Variants in TRIM36 observed in about 807,000 individuals in gnomAD.
The protein encoded by TRIM36 is tripartite motif containing 36, also known as E3 ubiquitin-protein ligase TRIM36.
A neutral mutation model predicts 72.4 loss-of-function variants in TRIM36; 42 were observed. The observed-to-expected ratio is 0.58, with a 90% CI of 0.45 to 0.75. TRIM36 has a LOEUF of 0.75. Ranked by LOEUF, TRIM36 falls within the 30% of genes least tolerant of loss-of-function variation. The pLI is 0.00. For missense variants in TRIM36, 913 were observed against 857.1 expected, an observed-to-expected ratio of 1.07 and a Z score of -0.81; for synonymous variants, 315 against 282.8, an observed-to-expected ratio of 1.11 and a Z score of -1.14.
At chr5:115,165,909 C>G (rs1166833357) in intron 1 of TRIM36, among the ~76,000 whole-genome samples, 2 of 152,182 alleles carry the variant, frequency 1.3e-5, no homozygotes, top group Non-Finnish European at 2.9e-5. Flanking sequence ...AGCCCGGGCA[C>G]TGACATGACC....
chr5:115,141,229 C>A (rs1490358590), intron 5 of TRIM36, 50 bp downstream of exon 5: 1 of 1,277,612 alleles, frequency 7.8e-7, no homozygotes, highest in Non-Finnish European at 1.1e-6. Flanking sequence ...GAATGAATGT[C>A]TAGATAAAAT....
At chr5:115,163,792 G>C (rs1327533000) in intron 1 of TRIM36, 40 bp from the exon 2 acceptor site, 2 of 1,482,484 alleles carry the variant, frequency 1.3e-6, no homozygotes, top group African/African-American at 1.4e-5. Context: ...CTCTTAGTGG[G>C]TAAATATATT....
At chr5:115,141,436 A>C (rs1753270549) in intron 4 of TRIM36, 62 bp from the exon 5 acceptor site, 1 of 1,176,532 alleles carries the variant, frequency 8.5e-7, no homozygotes, top group East Asian at 2.6e-5. Flanking sequence ...ACTTTGCAGA[A>C]TTTTTTTTTA....
chr5:115,179,167 C>T (rs1755488716), intron 1 of TRIM36, among the ~76,000 whole-genome samples: 2 of 152,230 alleles, frequency 1.3e-5, no homozygotes, highest in South Asian at 4.1e-4. Flanking sequence ...TACTTCCCGA[C>T]ACGTTCCGCC....
At chr5:115,152,629 G>A (rs1753953806) in intron 2 of TRIM36, among the ~76,000 whole-genome samples, 1 of 152,124 alleles carries the variant, frequency 6.6e-6, no homozygotes, top group Non-Finnish European at 1.5e-5. Flanking sequence ...AAAGTACCAG[G>A]TAACCTAGGG....
intron 7 of TRIM36, among the ~76,000 whole-genome samples, chr5:115,136,074 G>C (rs908473484): frequency 6.6e-6 from 1 of 152,092 alleles, no homozygotes; most frequent in African/African-American, 2.4e-5. Context: ...ACGTAAGCAA[G>C]TGTTATGGAC....
At chr5:115,158,728 C>G (rs1333438555) in intron 2 of TRIM36, among the ~76,000 whole-genome samples, 1 of 152,210 alleles carries the variant, frequency 6.6e-6, no homozygotes, top group Non-Finnish European at 1.5e-5. Context: ...AAATTTATTT[C>G]TCTCAACTAC....
intron 5 of TRIM36, among the ~76,000 whole-genome samples, chr5:115,140,131 A>C (rs534132469): frequency 2.0e-5 from 3 of 152,362 alleles, no homozygotes; most frequent in Non-Finnish European, 4.4e-5. Context: ...CAGGAAAATA[A>C]TATTAAAAAC....
Position 115,126,534 on chromosome 5 carries a change from G to A in TRIM36, c.2120C>T (p.Ala707Val), listed in dbSNP as rs148672405. ...GTCCTCTTGGTATTCCAGATATTTTGCTGTGATGGGTTCTTCAAGCTGAAT... is the reference window on the plus strand; with the variant it reads ...GTCCTCTTGGTATTCCAGATATTTTACTGTGATGGGTTCTTCAAGCTGAAT... ...GGIQLEEPIT[A>V]KYLEYQEDM The change falls in exon 10 of 10, where the codon GCA becomes GTA. Residue 707 changes from alanine to valine, a missense_variant. By Grantham distance (64) the Ala-to-Val change is moderately conservative. Transcript: ENST00000513154. 4 of 1,610,068 alleles carry A rather than the reference G, an allele frequency of 2.5e-6. No homozygotes were observed. The highest frequency in any genetic ancestry group is 3.3e-5 in the Admixed American group (2 of 59,942).
chr5:115,137,297 A>T, intron 6 of TRIM36, 66 bp downstream of exon 6: 1 of 1,539,420 alleles, frequency 6.5e-7, no homozygotes, highest in Non-Finnish European at 8.7e-7. Flanking sequence ...AGCTAAAGTG[A>T]GAATACACAG....
rs1017492216 is a variant in TRIM36, at chr5:115,147,013, A to C, written c.588+56T>G. 15 of 1,435,568 alleles carry C rather than the reference A, an allele frequency of 1.0e-5. No individual in the cohort carries two copies. In the African/African-American group the frequency reaches 2.2e-4, roughly 21 times the overall value. The allele number at this position is 1,435,568 out of a possible 1,614,324, so 88.9% of individuals were successfully genotyped here. On this transcript the variant is annotated intron_variant, in intron 3 of 9. Coordinates refer to ENST00000513154, the MANE Select transcript of TRIM36 (RefSeq NM_001300759.2). The stretch of plus-strand genomic sequence containing the variant: ...TTATTTCGTAACATTAAGTACATAA[A>C]AGTTTCATAACATTAAGTTAAAATA...
At chr5:115,173,948 C>A (rs75720837), upstream of TRIM36, 1 of 152,192 alleles carries the variant, frequency 6.6e-6, no homozygotes, top group Non-Finnish European at 1.5e-5. Flanking sequence ...ATCACAGGGG[C>A]ATGAGCTCTC....
intron 2 of TRIM36, among the ~76,000 whole-genome samples, chr5:115,148,181 A>T (rs1367697587): frequency 6.6e-6 from 1 of 152,240 alleles, no homozygotes. Context: ...AGAATCATTA[A>T]GATTACTTAA....
chr5:115,126,208 C>A lies in TRIM36; in HGVS notation c.*295G>T. On this transcript the variant is annotated 3_prime_UTR_variant, in exon 10 of 10. Coordinates refer to ENST00000513154, the MANE Select transcript of TRIM36 (RefSeq NM_001300759.2). ...ACCATAAGGAAAGTGTCAGCAACACCAGCTGACAGAAATAAATTAGATATC... is the reference window on the plus strand; with the variant it reads ...ACCATAAGGAAAGTGTCAGCAACACAAGCTGACAGAAATAAATTAGATATC... 2 of 274,402 alleles carry A rather than the reference C, an allele frequency of 7.3e-6. No homozygotes were observed. The highest frequency in any genetic ancestry group is 1.2e-4 in the South Asian group (1 of 8,248). 17.0% of individuals were successfully genotyped at this position (274,402 alleles called of 1,614,324 possible).
chr5:115,126,614 T>C lies in TRIM36; in HGVS notation c.2040A>G (p.Gln680=), dbSNP rs1752370104. The C allele has an allele frequency of 1.2e-6, 2 of 1,614,200 alleles. No individual in the cohort carries two copies. Among genetic ancestry groups the C allele is most frequent in the Admixed American group, 1.7e-5 (1 of 60,026 alleles). Residue 680 remains glutamine, a synonymous_variant, in exon 10 of 10, where the codon CAA becomes CAG. Coordinates refer to ENST00000513154, the MANE Select transcript of TRIM36 (RefSeq NM_001300759.2). Reference sequence around the variant, plus strand: ...GATACAGTGTATGTGAACAGTCCACTTGGCGTTCATAAAGGCATTTCATCT... The same window carrying C: ...GATACAGTGTATGTGAACAGTCCACCTGGCGTTCATAAAGGCATTTCATCT... The part of the protein sequence containing the change: ...MDQMKCLYER[Q]VDCSHTLYPA...
intron 9 of TRIM36, among the ~76,000 whole-genome samples, chr5:115,127,197 T>A (rs1752402854): frequency 6.6e-6 from 1 of 152,204 alleles, no homozygotes; most frequent in African/African-American, 2.4e-5. Context: ...TGTACAATCA[T>A]GTACCACAGA....
upstream of TRIM36, chr5:115,180,175 C>T (rs1462192867): frequency 2.5e-6 from 2 of 804,806 alleles, no homozygotes; most frequent in Middle Eastern, 2.4e-4. Flanking sequence ...AGAGGGGAAG[C>T]GCCGGGGAAA....
intron 2 of TRIM36, among the ~76,000 whole-genome samples, chr5:115,153,102 G>A (rs1296727258): frequency 1.3e-5 from 2 of 152,126 alleles, no homozygotes; most frequent in Non-Finnish European, 2.9e-5. Flanking sequence ...TGCAGAATAA[G>A]TAAGACTTCA....
chr5:115,158,145 A>G (rs1414351495), intron 2 of TRIM36, among the ~76,000 whole-genome samples: 4 of 152,134 alleles, frequency 2.6e-5, no homozygotes, highest in Non-Finnish European at 5.9e-5. Context: ...GAAAGAAAGA[A>G]AAGTAATGAT....
Sources: allele counts gnomAD v4.1 joint callset (sites outside exome capture counted in the v4.1 genomes callset), GRCh38; gene constraint gnomAD v4.1.1; transcripts MANE v1.5; gene names NCBI Gene and HGNC (gene_info 2026-07-23, HGNC 2026-07-21).